PRKCE: variants seen among roughly 807,000 people sequenced by gnomAD.
PRKCE encodes the protein protein kinase C epsilon, also known as protein kinase C epsilon type.
In PRKCE, 16 loss-of-function variants were observed where a neutral mutation model predicts 85.4. The ratio of observed to expected loss-of-function variants is 0.19; its 90% CI spans 0.13 to 0.28. The LOEUF is 0.28. Among genes scored for constraint, PRKCE ranks in the 10% least tolerant of loss-of-function variants. PRKCE has a pLI of 1.00. For synonymous variants in PRKCE, 388 were observed against 371.5 expected (o/e 1.04, Z -0.51); for missense variants, 573 against 975.2 (o/e 0.59, Z 5.49).
chr2:46,132,829 G>A (rs1248874347), intron 11 of PRKCE, among the ~76,000 whole-genome samples: 2 of 152,168 alleles, frequency 1.3e-5, no homozygotes, highest in East Asian at 3.8e-4. Flanking sequence ...AATAAAATCT[G>A]TTTTCTGTCC....
chr2:45,724,049 G>C (rs1450057959), intron 1 of PRKCE, among the ~76,000 whole-genome samples: 2 of 152,216 alleles, frequency 1.3e-5, no homozygotes, highest in Non-Finnish European at 2.9e-5. Flanking sequence ...ACTCTGGGCA[G>C]TGTGCTGGCA....
At chr2:46,029,230 T>C (rs975431895) in intron 10 of PRKCE, among the ~76,000 whole-genome samples, 1 of 152,236 alleles carries the variant, frequency 6.6e-6, no homozygotes, top group Non-Finnish European at 1.5e-5. Flanking sequence ...GGAGGTAGAA[T>C]GACTTCTCCA....
intron 14 of PRKCE, among the ~76,000 whole-genome samples, chr2:46,183,623 G>A (rs1680209949): frequency 6.6e-6 from 1 of 152,192 alleles, no homozygotes; most frequent in Non-Finnish European, 1.5e-5. Context: ...CCATCCCCAT[G>A]CCGCACTCTG....
At chr2:46,042,727 G>C (rs926263292) in intron 10 of PRKCE, among the ~76,000 whole-genome samples, 3 of 152,192 alleles carry the variant, frequency 2.0e-5, no homozygotes, top group African/African-American at 7.2e-5. Context: ...CACCAGAGGC[G>C]AAGGGTGGGT....
At chr2:45,704,112 A>C (rs774277681) in intron 1 of PRKCE, among the ~76,000 whole-genome samples, 3 of 152,352 alleles carry the variant, frequency 2.0e-5, no homozygotes, top group Middle Eastern at 3.4e-3. Context: ...GAAAAGGGTC[A>C]AGGAAGGCAT....
At chr2:45,812,031 A>C (rs951904823) in intron 1 of PRKCE, among the ~76,000 whole-genome samples, 2 of 152,156 alleles carry the variant, frequency 1.3e-5, no homozygotes, top group African/African-American at 4.8e-5. Context: ...TCTCTTCTTA[A>C]GTGGGAAGAA....
At chr2:46,031,591 CG>C (rs1553479677) in intron 10 of PRKCE, among the ~76,000 whole-genome samples, 1 of 144,028 alleles carries the variant, frequency 6.9e-6, no homozygotes, top group Admixed American at 7.0e-5. Context: ...ACATTCTGCT[CG>C]TGTGTGTGTG....
Position 45,652,075 on chromosome 2 carries a change from C to T in PRKCE, c.-26C>T. 1 of 1,496,688 alleles carries T rather than the reference C, an allele frequency of 6.7e-7. No homozygotes were observed. 92.7% of individuals were successfully genotyped at this position (1,496,688 alleles called of 1,614,324 possible). A position where few individuals can be genotyped will look rare whatever the true frequency, so the allele number is the denominator to read the frequency against. ...CTGCCCTCGGGGCAGACGGAGTGAC[C>T]CCGGCCCCCACTCCCCGCCCCGACC... On this transcript the variant is annotated 5_prime_UTR_variant, in exon 1 of 15. Coordinates refer to ENST00000306156, the MANE Select transcript of PRKCE (RefSeq NM_005400.3). The surrounding 1 kb of genome is among the most constrained non-coding windows in gnomAD (Gnocchi z 7.7).
chr2:45,901,220 T>A (rs1324676796), intron 2 of PRKCE, among the ~76,000 whole-genome samples: 6 of 152,218 alleles, frequency 3.9e-5, no homozygotes, highest in East Asian at 3.8e-4. Flanking sequence ...TTAGTACAAA[T>A]TGTGCTTACA....
At chr2:45,948,812 G>C (rs959961704) in intron 2 of PRKCE, among the ~76,000 whole-genome samples, 3 of 152,106 alleles carry the variant, frequency 2.0e-5, no homozygotes, top group African/African-American at 4.8e-5. Context: ...ATACAAGACT[G>C]CCAATATATG....
chr2:45,907,563 C>T lies in PRKCE; in HGVS notation c.412+64500C>T, dbSNP rs1697073040. Among the ~76,000 whole-genome samples the T allele has an allele frequency of 6.6e-6, 1 of 152,214 alleles. No individual in the cohort carries two copies. Among genetic ancestry groups the T allele is most frequent in the South Asian group, 2.1e-4 (1 of 4,832 alleles). On this transcript the variant is annotated intron_variant, in intron 2 of 14. Coordinates refer to ENST00000306156, the MANE Select transcript of PRKCE (RefSeq NM_005400.3). The surrounding 1 kb of genome is among the most constrained non-coding windows in gnomAD (Gnocchi z 4.5). ...GGGCAGTGGCATAGCAGGCAGTGAG[C>T]GTGTGCCCAAGCCTGCTTCCCATGT...
intron 2 of PRKCE, among the ~76,000 whole-genome samples, chr2:45,873,472 A>AC (rs1204935536): frequency 6.6e-6 from 1 of 152,084 alleles, no homozygotes; most frequent in Non-Finnish European, 1.5e-5. Flanking sequence ...AAAAAAAAAA[A>AC]AAAACAAAAA....
chr2:45,842,933 T>C (rs1419207473), intron 1 of PRKCE, 67 bp from the exon 2 acceptor site: 5 of 1,430,824 alleles, frequency 3.5e-6, no homozygotes, highest in East Asian at 4.5e-5. Flanking sequence ...GGGGTAGAAA[T>C]GTTGTGGAAC....
intron 10 of PRKCE, among the ~76,000 whole-genome samples, chr2:46,017,228 A>G (rs936425313): frequency 2.6e-5 from 4 of 152,034 alleles, no homozygotes; most frequent in African/African-American, 9.7e-5. Context: ...CCCTCTCCCC[A>G]CAGCCCTTGG....
At chr2:46,015,663 T>A (rs1355084629) in intron 10 of PRKCE, among the ~76,000 whole-genome samples, 1 of 113,536 alleles carries the variant, frequency 8.8e-6, no homozygotes, top group Admixed American at 1.2e-4. Context: ...TTCAAGGAAC[T>A]CAACTCTGAA....
chr2:45,658,025 A>G (rs573430956), intron 1 of PRKCE, among the ~76,000 whole-genome samples: 90 of 152,326 alleles, frequency 5.9e-4, no homozygotes, highest in African/African-American at 2.1e-3. Context: ...TATCTTCAGG[A>G]CATTTGTAGG....
At chr2:46,179,327 A>G (rs1241153834) in intron 14 of PRKCE, among the ~76,000 whole-genome samples, 1 of 152,072 alleles carries the variant, frequency 6.6e-6, no homozygotes, top group East Asian at 1.9e-4. Flanking sequence ...GGAAGTAAGC[A>G]TTGACGCTGC....
chr2:45,766,057 G>C (rs1283287890), intron 1 of PRKCE, among the ~76,000 whole-genome samples: 1 of 152,164 alleles, frequency 6.6e-6, no homozygotes, highest in Non-Finnish European at 1.5e-5. Flanking sequence ...CTGGAGATAG[G>C]GGAGATTATT....
chr2:45,845,468 A>C (rs777757272), intron 2 of PRKCE: 1 of 151,272 alleles, frequency 6.6e-6, no homozygotes, highest in Non-Finnish European at 1.5e-5. Context: ...TCACCACTCC[A>C]TTATTCTGCC....
Sources: allele counts gnomAD v4.1 joint callset (sites outside exome capture counted in the v4.1 genomes callset), GRCh38; gene constraint gnomAD v4.1.1; non-coding constraint Gnocchi (gnomAD v3.1); transcripts MANE v1.5; gene names NCBI Gene and HGNC (gene_info 2026-07-23, HGNC 2026-07-21).